The following RIPOR2 variants were observed in gnomAD, a reference collection of about 807,000 sequenced individuals.
The protein encoded by RIPOR2 is rho family-interacting cell polarization regulator 2.
In RIPOR2, 39 loss-of-function variants were observed where a neutral mutation model predicts 114.5. The ratio of observed to expected loss-of-function variants is 0.34; its 90% CI spans 0.26 to 0.44. The LOEUF (loss-of-function observed/expected upper bound fraction) is 0.44. Among genes scored for constraint, RIPOR2 ranks in the 20% least tolerant of loss-of-function variants. The pLI is 1.00. For synonymous variants in RIPOR2, 445 were observed against 484.4 expected (o/e 0.92, Z 1.07); for missense variants, 1,007 against 1,255.1 (o/e 0.80, Z 2.99).
At chr6:24,869,611 C>T (rs1039657068) in intron 5 of RIPOR2, among the ~76,000 whole-genome samples, 3 of 152,116 alleles carry the variant, frequency 2.0e-5, no homozygotes, top group Non-Finnish European at 4.4e-5. Flanking sequence ...AGCCACCATG[C>T]CCGGCCCTGG....
At position 24,916,348 on chromosome 6, in the gene RIPOR2, C is replaced by T. The variant is rs112940983; in HGVS notation, c.61+19490G>A. ...GTCATCTGTCCCCTGAGTGCAGACTCAATCACACATCTTCCATTTGTTGTA... is the reference window on the plus strand; with the variant it reads ...GTCATCTGTCCCCTGAGTGCAGACTTAATCACACATCTTCCATTTGTTGTA... On this transcript the variant is annotated intron_variant, in intron 1 of 21. Transcript: ENST00000643898. Among the ~76,000 whole-genome samples, 879 of 152,338 alleles carry T rather than the reference C, an allele frequency of 5.8e-3. 4 individuals are homozygous for T. The highest frequency in any genetic ancestry group is 0.02 in the African/African-American group (814 of 41,570).
At chr6:24,943,211 A>C (rs1178957223) in intron 1 of RIPOR2, among the ~76,000 whole-genome samples, 1 of 152,206 alleles carries the variant, frequency 6.6e-6, no homozygotes. Context: ...TGAAGCTGGA[A>C]ACCATCATTC....
At chr6:24,929,477 A>G (rs1321877102) in intron 1 of RIPOR2, 1 of 152,198 alleles carries the variant, frequency 6.6e-6, no homozygotes, top group Non-Finnish European at 1.5e-5. Context: ...AAGAGAGTTT[A>G]CTGTCTCATT....
chr6:24,987,885 T>C (rs559596468), intron 1 of RIPOR2, among the ~76,000 whole-genome samples: 1 of 152,306 alleles, frequency 6.6e-6, no homozygotes, highest in Non-Finnish European at 1.5e-5. Flanking sequence ...ACCAGGCCTA[T>C]ACTGTCTTGT....
intron 1 of RIPOR2, among the ~76,000 whole-genome samples, chr6:24,982,284 G>A (rs1170779874): frequency 2.0e-5 from 3 of 152,192 alleles, no homozygotes; most frequent in African/African-American, 7.2e-5. Context: ...AGGAATAATA[G>A]TTTTGTTTGG....
chr6:24,850,041 G>T lies in RIPOR2; in HGVS notation c.886-91C>A, dbSNP rs1164673667. On this transcript the variant is annotated intron_variant, in intron 10 of 21. Transcript: ENST00000643898. ...TCATTTTTTTTACTGAGCTAGGTTGGTCATTTCTTTCAGAATCATATCTGA... is the reference window on the plus strand; with the variant it reads ...TCATTTTTTTTACTGAGCTAGGTTGTTCATTTCTTTCAGAATCATATCTGA... The T allele has an allele frequency of 8.5e-6, 9 of 1,061,246 alleles. No homozygotes were observed. In the South Asian group the frequency reaches 1.2e-4, roughly 15 times the overall value. The allele number at this position is 1,061,246 out of a possible 1,614,324, so 65.7% of individuals were successfully genotyped here. A position where few individuals can be genotyped will look rare whatever the true frequency, so the allele number is the denominator to read the frequency against.
At chr6:24,922,267 A>C (rs570063237) in intron 1 of RIPOR2, among the ~76,000 whole-genome samples, 13 of 152,322 alleles carry the variant, frequency 8.5e-5, no homozygotes, top group African/African-American at 3.1e-4. Context: ...ATCTCAAAGT[A>C]TTTTTGCAGA....
chr6:25,004,095 G>A (rs532276057), intron 1 of RIPOR2, among the ~76,000 whole-genome samples: 3 of 152,244 alleles, frequency 2.0e-5, no homozygotes, highest in Non-Finnish European at 2.9e-5. Flanking sequence ...GGATATTATG[G>A]TTGTGACATG....
At position 24,915,909 on chromosome 6, in the gene RIPOR2, C is replaced by T. The variant is rs75863670; in HGVS notation, c.61+19929G>A. On this transcript the variant is annotated intron_variant, in intron 1 of 21. Transcript: ENST00000643898. ...CCAGAAGCCTTCCCAGCTGCATCCC[C>T]GCCACTCTGCCATGCAGGCTCTCAG... 7.1e-3 allele frequency among the ~76,000 whole-genome samples: 1,077 copies of T among 152,260 alleles called. 13 individuals are homozygous for T. The highest frequency in any genetic ancestry group is 0.023 in the African/African-American group (954 of 41,550).
At chr6:24,879,135 T>C (rs1766100343) in intron 1 of RIPOR2, among the ~76,000 whole-genome samples, 1 of 90,538 alleles carries the variant, frequency 1.1e-5, no homozygotes, top group Non-Finnish European at 2.2e-5. Context: ...AGATCAGGAG[T>C]TTGAGACCAG....
intron 1 of RIPOR2, among the ~76,000 whole-genome samples, chr6:24,945,884 T>C (rs1309417695): frequency 6.6e-6 from 1 of 152,100 alleles, no homozygotes; most frequent in East Asian, 1.9e-4. Flanking sequence ...CTTGGCTTCT[T>C]AGTGCTTACA....
At chr6:24,963,769 C>T (rs1478082408) in intron 1 of RIPOR2, among the ~76,000 whole-genome samples, 1 of 144,620 alleles carries the variant, frequency 6.9e-6, no homozygotes, top group Non-Finnish European at 1.5e-5. Flanking sequence ...TGTATTTGTC[C>T]TCCTTGGCAT....
chr6:24,895,009 T>G (rs1305432873), intron 1 of RIPOR2, among the ~76,000 whole-genome samples: 2 of 152,098 alleles, frequency 1.3e-5, no homozygotes, highest in African/African-American at 4.8e-5. Context: ...AATTTAGAGG[T>G]TCTCAAACCA....
chr6:24,900,152 T>C (rs577959633), intron 1 of RIPOR2, among the ~76,000 whole-genome samples: 4 of 152,270 alleles, frequency 2.6e-5, no homozygotes, highest in African/African-American at 9.6e-5. Flanking sequence ...CTCGGGCTTT[T>C]TGAACATGCT....
chr6:24,851,015 C>T (rs1258152267), intron 9 of RIPOR2, among the ~76,000 whole-genome samples: 3 of 151,910 alleles, frequency 2.0e-5, no homozygotes, highest in African/African-American at 7.3e-5. Flanking sequence ...CCTGCCTCAG[C>T]CTCCCAAGTA....
intron 1 of RIPOR2, among the ~76,000 whole-genome samples, chr6:24,905,250 T>C (rs1294952213): frequency 6.6e-6 from 1 of 152,192 alleles, no homozygotes; most frequent in African/African-American, 2.4e-5. Flanking sequence ...TTTTATTTTA[T>C]ATCTTTTCTG....
intron 1 of RIPOR2, among the ~76,000 whole-genome samples, chr6:25,030,448 A>G (rs1257078478): frequency 6.6e-6 from 1 of 152,106 alleles, no homozygotes. Context: ...GTCCCCTCTG[A>G]TGATCATGTT....
At chr6:24,946,758 T>C (rs897444468) in intron 1 of RIPOR2, among the ~76,000 whole-genome samples, 3 of 152,164 alleles carry the variant, frequency 2.0e-5, no homozygotes, top group Non-Finnish European at 2.9e-5. Context: ...GTGCCATCCC[T>C]TTGCACATAC....
chr6:24,962,631 T>C lies in RIPOR2; in HGVS notation c.76+79220A>G, dbSNP rs529290732. On this transcript the variant is annotated intron_variant, in intron 1 of 13. Transcript: ENST00000510784. ...CTAGGAGAGGTGGGATAAAAGAAAC[T>C]TCATGGTTTTTTTTTAGTATGGTAA... Among the ~76,000 whole-genome samples the C allele has an allele frequency of 5.8e-4, 62 of 106,188 alleles. No homozygotes were observed. In the South Asian group the frequency reaches 0.013, roughly 23 times the overall value. The allele number at this position is 106,188 out of a possible 152,430, so 69.7% of individuals were successfully genotyped here. A position where few individuals can be genotyped will look rare whatever the true frequency, so the allele number is the denominator to read the frequency against.
Sources: gnomAD v4.1 joint callset for allele counts (sites outside exome capture counted in the v4.1 genomes callset) on GRCh38, gnomAD v4.1.1 for gene constraint, MANE v1.5 for transcripts, NCBI Gene and HGNC (gene_info 2026-07-23, HGNC 2026-07-21) for gene names.